USP40: variants seen among roughly 807,000 people sequenced by gnomAD.
USP40 encodes the protein ubiquitin carboxyl-terminal hydrolase 40.
A neutral mutation model predicts 166.2 loss-of-function variants in USP40; 143 were observed. The ratio of observed to expected loss-of-function variants is 0.86; its 90% CI spans 0.75 to 0.99. USP40 has a LOEUF of 0.99. Ranked by LOEUF, USP40 falls within the 50% of genes least tolerant of loss-of-function variation. The pLI is 0.00. For missense variants in USP40, 1,444 were observed against 1,479.7 expected, an observed-to-expected ratio of 0.98 and a Z score of 0.40; for synonymous variants, 498 against 524.0, an observed-to-expected ratio of 0.95 and a Z score of 0.68.
intron 8 of USP40, chr2:233,545,423 A>G (rs886405742): frequency 6.6e-6 from 1 of 152,230 alleles, no homozygotes; most frequent in African/African-American, 2.4e-5. Context: ...CCAGTCATAG[A>G]GCTGCCAATT....
At chr2:233,505,934 C>G (rs2066388253) in intron 21 of USP40, among the ~76,000 whole-genome samples, 2 of 152,028 alleles carry the variant, frequency 1.3e-5, no homozygotes, top group South Asian at 4.1e-4. Flanking sequence ...TATTAGCAAA[C>G]TGAATTTAAC....
intron 12 of USP40, among the ~76,000 whole-genome samples, chr2:233,529,027 C>G (rs954546338): frequency 4.6e-5 from 7 of 152,204 alleles, no homozygotes; most frequent in African/African-American, 7.2e-5. Flanking sequence ...CTGCCCACCA[C>G]TGATCCTCTC....
chr2:233,551,713 T>C (rs1165845108), intron 6 of USP40, among the ~76,000 whole-genome samples, 194 bp from the exon 7 acceptor site: 1 of 152,220 alleles, frequency 6.6e-6, no homozygotes. Flanking sequence ...AGCCACTCAT[T>C]TGTGCTTACA....
intron 8 of USP40, among the ~76,000 whole-genome samples, chr2:233,547,754 T>C (rs186919331): frequency 2.1e-4 from 32 of 152,310 alleles, no homozygotes; most frequent in African/African-American, 5.3e-4. Context: ...AAAGGGACTT[T>C]AGAAAATGAA....
chr2:233,533,086 TAAAG>T (rs149036534), intron 11 of USP40, among the ~76,000 whole-genome samples: 4,665 of 150,714 alleles, frequency 0.031, 221 homozygotes, highest in African/African-American at 0.11. Context: ...ATCAGGAAAA[TAAAG>T]GAGAAGATAT....
rs1041325936 is a variant in USP40, at chr2:233,496,950, G to A, written c.2716-118C>T. ...CAAAAATTAAATGAATAATAAAGCA[G>A]ATATGGAAGACACAGGAAATAAGCT... On this transcript the variant is annotated intron_variant, in intron 23 of 31. Coordinates refer to ENST00000678225, the MANE Select transcript of USP40 (RefSeq NM_001365479.2). The A allele has an allele frequency of 1.5e-5, 10 of 666,066 alleles. No individual in the cohort carries two copies. In the African/African-American group the frequency reaches 1.8e-4, roughly 12 times the overall value. 41.3% of individuals were successfully genotyped at this position (666,066 alleles called of 1,614,324 possible). A position where few individuals can be genotyped will look rare whatever the true frequency, so the allele number is the denominator to read the frequency against.
At chr2:233,528,082 G>A (rs1379899557) in intron 12 of USP40, among the ~76,000 whole-genome samples, 1 of 151,538 alleles carries the variant, frequency 6.6e-6, no homozygotes, top group Non-Finnish European at 1.5e-5. Context: ...AGGTTCAAGC[G>A]ATTCTTCTGC....
Position 233,556,990 on chromosome 2 carries a change from C to A in USP40, c.411G>T (p.Leu137=). The change falls in exon 5 of 32, where the codon CTG becomes CTT. Residue 137 remains leucine (L), a synonymous_variant. Transcript: ENST00000678225. ...EEMRQHDVQE[L]NRILFSALET... ...CCAAAGCGCTGAAGAGGATTCGATT[C>A]AGTTCCTGCACATCATGTTGCCTCA... 6.2e-7 allele frequency: 1 copy of A among 1,613,694 alleles called. No homozygotes were observed. Among genetic ancestry groups the A allele is most frequent in the South Asian group, 1.1e-5 (1 of 90,992 alleles).
intron 6 of USP40, among the ~76,000 whole-genome samples, chr2:233,552,857 AT>A (rs1332726256): frequency 2.0e-5 from 3 of 152,202 alleles, no homozygotes; most frequent in African/African-American, 7.2e-5. Flanking sequence ...AAATTCAATA[AT>A]TGTCAGCTAT....
chr2:233,519,377 T>G, intron 18 of USP40: 1 of 414,642 alleles, frequency 2.4e-6, no homozygotes, highest in South Asian at 2.5e-5. Context: ...ATATACTCAT[T>G]GTATCTGGGG....
At position 233,519,621 on chromosome 2, in the gene USP40, C is replaced by T; in HGVS notation, c.2376G>A (p.Lys792=). Residue 792 remains lysine (K), a synonymous_variant, in exon 18 of 32, where the codon AAG becomes AAA. Coordinates refer to ENST00000678225, the MANE Select transcript of USP40 (RefSeq NM_001365479.2). The part of the protein sequence containing the change: ...IKAIKELKLM[K]ELADNSCLRP... The stretch of plus-strand genomic sequence containing the variant: ...GAAAATGTAAATGATTACCTAGTTC[C>T]TTCATTAATTTTAATTCCTTTATGG... 2.8e-6 allele frequency: 4 copies of T among 1,442,330 alleles called. No individual in the cohort carries two copies. Among genetic ancestry groups the T allele is most frequent in the East Asian group, 2.5e-5 (1 of 39,878 alleles). The allele number at this position is 1,442,330 out of a possible 1,614,324, so 89.3% of individuals were successfully genotyped here.
chr2:233,523,284 G>A lies in USP40; in HGVS notation c.2087C>T (p.Pro696Leu), dbSNP rs944517570. 1.9e-5 allele frequency: 31 copies of A among 1,613,868 alleles called. No homozygotes were observed. The highest frequency in any genetic ancestry group is 2.2e-5 in the Non-Finnish European group (26 of 1,179,872). Residue 696 changes from proline (P) to leucine (L), a missense_variant, in exon 16 of 32, where the codon CCA becomes CTA. Pro to Leu is a moderately conservative substitution (Grantham distance 98). Coordinates refer to ENST00000678225, the MANE Select transcript of USP40 (RefSeq NM_001365479.2). Reference sequence around the variant, plus strand: ...GATGGCCGTCCAACCCTCCCCACCTGGACATCCAGCACTGTTGATGAAGAT... The same window carrying A: ...GATGGCCGTCCAACCCTCCCCACCTAGACATCCAGCACTGTTGATGAAGAT... The part of the protein sequence containing the change: ...GVIFINSAGC[P>L]GGEGWTAIPK...
At position 233,476,171 on chromosome 2, in the gene USP40, A is replaced by G. The variant is rs2064176593; in HGVS notation, c.*1221T>C. ...GCTGGCTCAGCATCAGCTTGTTGGA[A>G]AAGGGTCACAGGCAGGGGAGCGCCT... On this transcript the variant is annotated 3_prime_UTR_variant, in exon 32 of 32. Transcript: ENST00000678225. 6.6e-6 allele frequency: 1 copy of G among 152,390 alleles called. No individual in the cohort carries two copies. Among genetic ancestry groups the G allele is most frequent in the South Asian group, 2.1e-4 (1 of 4,828 alleles). The allele number at this position is 152,390 out of a possible 1,614,324, so 9.4% of individuals were successfully genotyped here.
intron 18 of USP40, among the ~76,000 whole-genome samples, chr2:233,518,251 T>TAAAA (rs1156279626): frequency 5.8e-4 from 29 of 49,828 alleles, no homozygotes; most frequent in East Asian, 4.7e-3. Flanking sequence ...TAACAGATTC[T>TAAAA]AAAAAAAAAA....
At chr2:233,542,176 T>C (rs1901812) in intron 9 of USP40, 92 bp downstream of exon 9, 458,666 of 570,524 alleles carry the variant, frequency 0.8, 185,123 homozygotes, top group East Asian at 0.97. Flanking sequence ...CACCTAGCAA[T>C]TAAACCGCAT....
rs1307866594 is a variant in USP40 at position 233,486,773 on chromosome 2, T to C, written c.3198-796A>G. On this transcript the variant is annotated intron_variant, in intron 28 of 31. Transcript: ENST00000678225. The surrounding 1 kb of genome is among the most constrained non-coding windows in gnomAD (Gnocchi z 4.0). ...ATGTGGGCCCATGGAATCAGGGGAG[T>C]GCAGAGTGCAAGAGCAGAGGCTGCA... 6.6e-6 allele frequency among the ~76,000 whole-genome samples: 1 copy of C among 151,690 alleles called. No homozygotes were observed. Among genetic ancestry groups the C allele is most frequent in the African/African-American group, 2.4e-5 (1 of 41,242 alleles).
At chr2:233,549,353 A>G in intron 7 of USP40, 124 bp from the exon 8 acceptor site, 1 of 679,562 alleles carries the variant, frequency 1.5e-6, no homozygotes, top group Non-Finnish European at 2.3e-6. Context: ...TTTAAGAGTA[A>G]AGATGAATTC....
Position 233,565,377 on chromosome 2 carries a change from G to A in USP40, c.178C>T (p.His60Tyr). 2.6e-6 allele frequency: 4 copies of A among 1,537,100 alleles called. No individual in the cohort carries two copies. The highest frequency in any genetic ancestry group is 3.5e-6 in the Non-Finnish European group (4 of 1,146,714). ...ATACCTCTGAATTCAGGTGTGAAAT[G>A]AAGAGTCTGAAGAAGGGAATTGAGG... ...CYLNSLLQTL[H>Y]FTPEFREALF... The change falls in exon 2 of 32, where the codon CAT becomes TAT. Residue 60 changes from histidine (H) to tyrosine (Y), a missense_variant. Transcript: ENST00000678225.
At chr2:233,516,447 C>T (rs2067202291) in intron 18 of USP40, among the ~76,000 whole-genome samples, 1 of 152,090 alleles carries the variant, frequency 6.6e-6, no homozygotes, top group African/African-American at 2.4e-5. Context: ...CCTGTAATCC[C>T]AGCACTTTGG....
Sources: gnomAD v4.1 joint callset for allele counts (sites outside exome capture counted in the v4.1 genomes callset) on GRCh38, gnomAD v4.1.1 for gene constraint, Gnocchi (gnomAD v3.1) non-coding constraint, MANE v1.5 for transcripts, NCBI Gene and HGNC (gene_info 2026-07-23, HGNC 2026-07-21) for gene names.